ATIC: variants seen among roughly 807,000 people sequenced by gnomAD.
ATIC encodes the protein bifunctional purine biosynthesis protein ATIC.
ATIC carries 64 observed loss-of-function variants against 72.5 expected under a neutral mutation model. The observed-to-expected ratio is 0.88, with a 90% confidence interval of 0.72 to 1.09. The LOEUF (loss-of-function observed/expected upper bound fraction) is 1.09. ATIC is among the 50% of genes least tolerant of loss of function. ATIC has a pLI of 0.00. For synonymous variants in ATIC, 281 were observed against 267.1 expected, an observed-to-expected ratio of 1.05 and a Z score of -0.51; for missense variants, 787 against 732.4, an observed-to-expected ratio of 1.07 and a Z score of -0.86.
At chr2:215,350,159 C>CA (rs2053119187), downstream of ATIC, among the ~76,000 whole-genome samples, 1 of 151,920 alleles carries the variant, frequency 6.6e-6, no homozygotes, top group African/African-American at 2.4e-5. Context: ...GAGGGAGTCT[C>CA]AAAAAAATAG....
At chr2:215,366,098 G>A in the ATIC span, among the ~76,000 whole-genome samples, 14 of 151,520 alleles carry the variant, frequency 9.2e-5, no homozygotes, top group Admixed American at 2.0e-4. Flanking sequence ...GATTACAGGT[G>A]TGAGCCACCA....
At chr2:215,328,842 C>G (rs1346505407) in intron 7 of ATIC, among the ~76,000 whole-genome samples, 2 of 151,900 alleles carry the variant, frequency 1.3e-5, no homozygotes, top group Non-Finnish European at 2.9e-5. Context: ...CTCGGCCTCT[C>G]AAGTAGCTGG....
chr2:215,367,114 A>C, the ATIC span, among the ~76,000 whole-genome samples: 4,657 of 152,312 alleles, frequency 0.031, 225 homozygotes, highest in African/African-American at 0.11. Flanking sequence ...ATTTATAGGC[A>C]TAACGGTCAA....
Position 215,349,605 on chromosome 2 carries a change from G to A in ATIC, c.1729G>A (p.Glu577Lys), listed in dbSNP as rs756173162. 5 of 1,614,142 alleles carry A rather than the reference G, an allele frequency of 3.1e-6. No individual in the cohort carries two copies. The highest frequency in any genetic ancestry group is 2.2e-5 in the South Asian group (2 of 91,076). The change falls in exon 16 of 16, where the codon GAA becomes AAA. Residue 577 changes from glutamate to lysine, a missense_variant. Glu to Lys is a moderately conservative substitution (Grantham distance 56). Transcript: ENST00000236959. The part of the protein sequence containing the change: ...ADKVVIEACD[E>K]LGIILAHTNL... Reference sequence around the variant, plus strand: ...CAAAGTTGTGATTGAGGCCTGCGACGAACTGGGAATCATCCTCGCTCATAC... The same window carrying A: ...CAAAGTTGTGATTGAGGCCTGCGACAAACTGGGAATCATCCTCGCTCATAC...
chr2:215,349,814 AACTG>A (rs2053115700), downstream of ATIC: 2 of 1,313,912 alleles, frequency 1.5e-6, no homozygotes, highest in East Asian at 2.4e-5. Context: ...AGGCTCTTTG[AACTG>A]ACACATGACA....
At chr2:215,314,065 CTTGGGTCCTAT>C (rs1353418302) in intron 2 of ATIC, among the ~76,000 whole-genome samples, 1 of 152,126 alleles carries the variant, frequency 6.6e-6, no homozygotes, top group Non-Finnish European at 1.5e-5. Flanking sequence ...ATAATGATCC[CTTGGGTCCTAT>C]ATCTGTCACC....
At chr2:215,315,131 C>T (rs753610456) in intron 2 of ATIC, among the ~76,000 whole-genome samples, 2 of 152,128 alleles carry the variant, frequency 1.3e-5, no homozygotes, top group Admixed American at 6.5e-5. Context: ...TTCTCCACCC[C>T]CTAAGGATCT....
At chr2:215,329,397 G>T (rs915033106) in intron 7 of ATIC, among the ~76,000 whole-genome samples, 2 of 152,116 alleles carry the variant, frequency 1.3e-5, no homozygotes, top group Non-Finnish European at 2.9e-5. Flanking sequence ...TGGCAGAGGC[G>T]GCCCTGGACA....
intron 9 of ATIC, among the ~76,000 whole-genome samples, chr2:215,333,901 G>A (rs1411702360): frequency 6.6e-6 from 1 of 151,706 alleles, no homozygotes; most frequent in East Asian, 2.0e-4. Context: ...AATTAGCTGG[G>A]CGTGGTGGGG....
At chr2:215,341,050 G>C (rs1559277986) in intron 12 of ATIC, among the ~76,000 whole-genome samples, 1 of 152,162 alleles carries the variant, frequency 6.6e-6, no homozygotes. Flanking sequence ...GAATCCTGAG[G>C]CCTTTTCAGT....
At chr2:215,332,735 A>C (rs777338179) in intron 8 of ATIC, among the ~76,000 whole-genome samples, 1 of 152,192 alleles carries the variant, frequency 6.6e-6, no homozygotes. Context: ...GTGGGGTGGA[A>C]CCATAAAAGT....
At chr2:215,344,086 G>T (rs1299644279) in intron 12 of ATIC, among the ~76,000 whole-genome samples, 1 of 152,140 alleles carries the variant, frequency 6.6e-6, no homozygotes, top group Admixed American at 6.5e-5. Flanking sequence ...ACAATTCTCC[G>T]CATTGGTTCT....
rs141387695 is a variant in ATIC at position 215,349,198 on chromosome 2, C to T, written c.1608C>T (p.Ile536=). The T allele has an allele frequency of 4.8e-5, 78 of 1,614,058 alleles. No individual in the cohort carries two copies. The Admixed American group carries it at 5.3e-4, about 11-fold the overall frequency. Residue 536 remains isoleucine, a synonymous_variant, in exon 15 of 16, where the codon ATC becomes ATT. Coordinates refer to ENST00000236959, the MANE Select transcript of ATIC (RefSeq NM_004044.7). ...TTGAGAAACTGACTGAAGTTTCTATCAGCTCTGATGCCTTCTTCCCTTTCC... is the reference window on the plus strand; with the variant it reads ...TTGAGAAACTGACTGAAGTTTCTATTAGCTCTGATGCCTTCTTCCCTTTCC... The part of the protein sequence containing the change: ...EWVEKLTEVS[I]SSDAFFPFRD...
At chr2:215,318,264 A>T (rs2105994441) in intron 3 of ATIC, 31 bp downstream of exon 3, 1 of 1,582,854 alleles carries the variant, frequency 6.3e-7, no homozygotes, top group South Asian at 1.1e-5. Flanking sequence ...ATGTAAAAAC[A>T]GTCAGTGGTT....
At position 215,349,740 on chromosome 2, in the gene ATIC, A is replaced by T. The variant is rs2053114909; in HGVS notation, c.*85A>T. On this transcript the variant is annotated 3_prime_UTR_variant, in exon 16 of 16. Coordinates refer to ENST00000236959, the MANE Select transcript of ATIC (RefSeq NM_004044.7). Reference sequence around the variant, plus strand: ...TTTGAGGATAACTTTTTAAAAAAATAAAACAGTATCTCTTAATCACTGGAT... The same window carrying T: ...TTTGAGGATAACTTTTTAAAAAAATTAAACAGTATCTCTTAATCACTGGAT... 5.6e-6 allele frequency: 9 copies of T among 1,603,944 alleles called. No individual in the cohort carries two copies. Among genetic ancestry groups the T allele is most frequent in the Admixed American group, 1.7e-5 (1 of 59,974 alleles).
chr2:215,312,832 C>T (rs2052668962), intron 2 of ATIC, among the ~76,000 whole-genome samples: 1 of 152,184 alleles, frequency 6.6e-6, no homozygotes, highest in Non-Finnish European at 1.5e-5. Context: ...GGCTAGGTGG[C>T]TCACGCATGT....
chr2:215,336,139 TG>T lies in ATIC; in HGVS notation c.1098+16del. On this transcript the variant is annotated intron_variant, in intron 11 of 15. Transcript: ENST00000236959. ...GTGTCCTTCAGGTGAGTGCAATTCA[TG>T]TTTGAAGCGGTAATTTGCTCTTTTA... 1 of 1,578,130 alleles carries T rather than the reference TG, an allele frequency of 6.3e-7. No homozygotes were observed. Among genetic ancestry groups the T allele is most frequent in the Non-Finnish European group, 8.7e-7 (1 of 1,147,544 alleles).
At position 215,325,225 on chromosome 2, in the gene ATIC, C is replaced by G; in HGVS notation, c.291-16C>G. The G allele has an allele frequency of 6.2e-7, 1 of 1,601,618 alleles. No individual in the cohort carries two copies. Among genetic ancestry groups the G allele is most frequent in the South Asian group, 1.1e-5 (1 of 90,742 alleles). On this transcript the variant is annotated splice_polypyrimidine_tract_variant and intron_variant, in intron 4 of 15. Transcript: ENST00000236959. ...TGGACTTTTTAATGACAGCCAGATT[C>G]GTCTTTGTTTTATAGAGTTGTTGCC...
chr2:215,361,835 T>C, the ATIC span: 4 of 1,230,196 alleles, frequency 3.3e-6, no homozygotes, highest in Non-Finnish European at 4.6e-6. Context: ...TGGAATACAG[T>C]GTTTCACTTA....
Sources: allele counts gnomAD v4.1 joint callset (sites outside exome capture counted in the v4.1 genomes callset), GRCh38; gene constraint gnomAD v4.1.1; transcripts MANE v1.5; gene names NCBI Gene and HGNC (gene_info 2026-07-23, HGNC 2026-07-21).